RPS6KC1: variants seen among roughly 807,000 people sequenced by gnomAD.
The protein encoded by RPS6KC1 is ribosomal protein S6 kinase C1.
Under a neutral mutation model 103.8 loss-of-function variants are expected in RPS6KC1, and 54 were observed. That is an observed-to-expected ratio of 0.52 (90% CI 0.42 to 0.65). The LOEUF (loss-of-function observed/expected upper bound fraction) is 0.65, where lower values mean the gene tolerates loss of function less well. Ranked by LOEUF, RPS6KC1 falls within the 30% of genes least tolerant of loss-of-function variation. RPS6KC1 has a pLI of 0.00. For synonymous variants in RPS6KC1, 439 were observed against 438.7 expected, an observed-to-expected ratio of 1.00 and a Z score of -0.01; for missense variants, 1,151 against 1,253.8, an observed-to-expected ratio of 0.92 and a Z score of 1.24.
chr1:213,129,517 A>T lies in RPS6KC1; in HGVS notation c.473-10A>T. ...TTAATATCTGTTTACTATTGTGATC[A>T]TATTTCTAGGCTTCTCCAGTGACAG... On this transcript the variant is annotated splice_polypyrimidine_tract_variant and intron_variant, in intron 5 of 14. Coordinates refer to ENST00000366960, the MANE Select transcript of RPS6KC1 (RefSeq NM_012424.6). 6.3e-7 allele frequency: 1 copy of T among 1,586,402 alleles called. No individual in the cohort carries two copies. The highest frequency in any genetic ancestry group is 8.6e-7 in the Non-Finnish European group (1 of 1,168,662).
the RPS6KC1 span, among the ~76,000 whole-genome samples, chr1:213,633,210 A>C: frequency 0.14 from 21,293 of 152,004 alleles, 2,325 homozygotes; most frequent in African/African-American, 0.31. Context: ...CCACAAAGAT[A>C]CTCCTTGAGA....
chr1:213,151,386 G>A (rs1475578810), intron 6 of RPS6KC1, among the ~76,000 whole-genome samples: 3 of 136,748 alleles, frequency 2.2e-5, no homozygotes, highest in Non-Finnish European at 4.7e-5. Context: ...CGGCTGGCCG[G>A]GCAGAGGGGC....
the RPS6KC1 span, among the ~76,000 whole-genome samples, chr1:213,286,869 G>T: frequency 6.6e-6 from 1 of 152,302 alleles, no homozygotes; most frequent in South Asian, 2.1e-4. Context: ...CAAGCTGCTA[G>T]CTTGCAGGAA....
chr1:213,067,132 T>G (rs1278594433), intron 1 of RPS6KC1, among the ~76,000 whole-genome samples: 2 of 152,198 alleles, frequency 1.3e-5, no homozygotes, highest in African/African-American at 4.8e-5. Context: ...TTACACGTAT[T>G]TATTCATGTC....
At chr1:213,113,000 G>A (rs1219883165) in intron 4 of RPS6KC1, among the ~76,000 whole-genome samples, 2 of 152,106 alleles carry the variant, frequency 1.3e-5, no homozygotes, top group African/African-American at 4.8e-5. Flanking sequence ...CTTTGCTATT[G>A]TGAATAATGC....
At chr1:213,492,476 T>C in the RPS6KC1 span, 1 of 152,240 alleles carries the variant, frequency 6.6e-6, no homozygotes, top group Non-Finnish European at 1.5e-5. Flanking sequence ...AGGTGGGCTT[T>C]GTGCACATGG....
chr1:213,633,307 G>A, the RPS6KC1 span, among the ~76,000 whole-genome samples: 21,367 of 152,106 alleles, frequency 0.14, 2,361 homozygotes, highest in African/African-American at 0.31. Context: ...AGAAAGGTCA[G>A]GTTACCCACA....
the RPS6KC1 span, among the ~76,000 whole-genome samples, chr1:213,784,670 T>C: frequency 6.6e-6 from 1 of 152,154 alleles, no homozygotes; most frequent in Non-Finnish European, 1.5e-5. Context: ...TGCCCACATC[T>C]CTATGGTAGA....
At chr1:213,150,282 A>G (rs928847249) in intron 6 of RPS6KC1, among the ~76,000 whole-genome samples, 3 of 147,312 alleles carry the variant, frequency 2.0e-5, no homozygotes, top group Non-Finnish European at 3.0e-5. Flanking sequence ...ATTTTTTTGT[A>G]TGTACATTAT....
At chr1:213,395,489 G>A in the RPS6KC1 span, among the ~76,000 whole-genome samples, 1 of 152,170 alleles carries the variant, frequency 6.6e-6, no homozygotes, top group African/African-American at 2.4e-5. Flanking sequence ...ATTGCATGCT[G>A]ACACTCAAGG....
the RPS6KC1 span, among the ~76,000 whole-genome samples, chr1:213,589,642 CAAA>C: frequency 1.1e-4 from 14 of 129,048 alleles, no homozygotes; most frequent in Non-Finnish European, 1.0e-4. Context: ...AACTCTGTTT[CAAA>C]AAAAAAAAAA....
At chr1:213,598,413 A>G in the RPS6KC1 span, among the ~76,000 whole-genome samples, 5 of 152,214 alleles carry the variant, frequency 3.3e-5, no homozygotes, top group African/African-American at 1.2e-4. Context: ...CTGAGTTCCA[A>G]TCCCAGCTCT....
chr1:213,676,210 G>A, the RPS6KC1 span, among the ~76,000 whole-genome samples: 34 of 152,084 alleles, frequency 2.2e-4, no homozygotes, highest in Non-Finnish European at 4.3e-4. Flanking sequence ...CTCTCAGCTG[G>A]CAAGCTCTGT....
chr1:213,203,346 A>G (rs537799585), intron 8 of RPS6KC1, among the ~76,000 whole-genome samples: 1 of 151,792 alleles, frequency 6.6e-6, no homozygotes, highest in South Asian at 2.1e-4. Flanking sequence ...GGGATGCTCA[A>G]CCTGTATGTG....
At chr1:213,687,440 T>G in the RPS6KC1 span, among the ~76,000 whole-genome samples, 1 of 152,226 alleles carries the variant, frequency 6.6e-6, no homozygotes, top group Non-Finnish European at 1.5e-5. Flanking sequence ...CCACACCTAC[T>G]TTTTAACAGC....
At chr1:213,717,511 T>C in the RPS6KC1 span, among the ~76,000 whole-genome samples, 1 of 152,152 alleles carries the variant, frequency 6.6e-6, no homozygotes, top group Non-Finnish European at 1.5e-5. Flanking sequence ...TGAGTTTATA[T>C]GAGAGGGATG....
At chr1:213,169,762 T>A (rs559649427) in intron 7 of RPS6KC1, among the ~76,000 whole-genome samples, 15 of 151,564 alleles carry the variant, frequency 9.9e-5, no homozygotes, top group Middle Eastern at 3.4e-3. Context: ...AAAGTTTTTT[T>A]AAATTTTTAA....
At chr1:213,375,003 A>G in the RPS6KC1 span, among the ~76,000 whole-genome samples, 11 of 152,038 alleles carry the variant, frequency 7.2e-5, no homozygotes, top group African/African-American at 2.7e-4. Context: ...ATACACACAT[A>G]CATACACACA....
chr1:213,761,344 C>T, the RPS6KC1 span, among the ~76,000 whole-genome samples: 6 of 152,086 alleles, frequency 3.9e-5, no homozygotes, highest in Non-Finnish European at 5.9e-5. Context: ...TGCTGCACTG[C>T]GTGGCCACAG....
Sources: allele counts gnomAD v4.1 joint callset (sites outside exome capture counted in the v4.1 genomes callset), GRCh38; gene constraint gnomAD v4.1.1; transcripts MANE v1.5; gene names NCBI Gene and HGNC (gene_info 2026-07-23, HGNC 2026-07-21).